Variants in SS18 observed in about 807,000 individuals in gnomAD.
SS18 encodes SS18 subunit of BAF chromatin remodeling complex.
Under a neutral mutation model 72.5 loss-of-function variants are expected in SS18, and 28 were observed. That is an observed-to-expected ratio of 0.39 (90% CI 0.29 to 0.53). The LOEUF is 0.53. Among genes scored for constraint, SS18 ranks in the 20% least tolerant of loss-of-function variants. The pLI is 0.76. For synonymous variants in SS18, 172 were observed against 164.2 expected (o/e 1.05, Z -0.37); for missense variants, 518 against 535.3 (o/e 0.97, Z 0.32).
At position 26,016,886 on chromosome 18, in the gene SS18, A is replaced by G. The variant is rs1381201372; in HGVS notation, c.*1468T>C. On this transcript the variant is annotated 3_prime_UTR_variant, in exon 11 of 11. Transcript: ENST00000415083. Reference sequence around the variant, plus strand: ...CAGTATGTTCTGCTTATTCAAATTTATGACGCCCCTTCTGTTTTGTTTCCA... The same window carrying G: ...CAGTATGTTCTGCTTATTCAAATTTGTGACGCCCCTTCTGTTTTGTTTCCA... The G allele has an allele frequency of 4.4e-6, 1 of 229,028 alleles. No homozygotes were observed. Among genetic ancestry groups the G allele is most frequent in the Non-Finnish European group, 8.7e-6 (1 of 115,244 alleles). The allele number at this position is 229,028 out of a possible 1,614,324, so 14.2% of individuals were successfully genotyped here.
intron 7 of SS18, among the ~76,000 whole-genome samples, chr18:26,037,434 TAG>T (rs1380566639): frequency 2.0e-5 from 3 of 152,102 alleles, no homozygotes; most frequent in South Asian, 2.1e-4. Context: ...TTAAAATACG[TAG>T]AGTCTACAAC....
rs117031720 is a variant in SS18 at position 26,089,405 on chromosome 18, A to G, written c.69+1096T>C. On this transcript the variant is annotated intron_variant, in intron 1 of 10. Coordinates refer to ENST00000415083, the MANE Select transcript of SS18 (RefSeq NM_001007559.3). ...AGCCCGTTTGTTCATAAAATAAAGC[A>G]ACAGTTGGGCAAATGTCAAAAGCCA... Among the ~76,000 whole-genome samples, 1,468 of 152,352 alleles carry G rather than the reference A, an allele frequency of 9.6e-3. 8 individuals carry two copies. Among genetic ancestry groups the G allele is most frequent in the Admixed American group, 0.017 (264 of 15,302 alleles).
Position 26,043,457 on chromosome 18 carries a change from A to T in SS18, c.608-4001T>A, listed in dbSNP as rs115267608. ...TCATATTTCATCATTTACTGCTTAC[A>T]TTTTACTATTTGTTCCTTAACCATT... On this transcript the variant is annotated intron_variant, in intron 5 of 10. Coordinates refer to ENST00000415083, the MANE Select transcript of SS18 (RefSeq NM_001007559.3). 7.1e-3 allele frequency among the ~76,000 whole-genome samples: 1,084 copies of T among 152,218 alleles called. 16 individuals carry two copies. Among genetic ancestry groups the T allele is most frequent in the African/African-American group, 0.025 (1,028 of 41,530 alleles).
chr18:26,025,269 AAGAC>A (rs1445066585), intron 10 of SS18, among the ~76,000 whole-genome samples: 1 of 152,166 alleles, frequency 6.6e-6, no homozygotes, highest in Non-Finnish European at 1.5e-5. Flanking sequence ...ATTAGAAAGA[AAGAC>A]AGTTCTTAAA....
At chr18:26,084,469 A>T (rs1229056629) in intron 2 of SS18, among the ~76,000 whole-genome samples, 1 of 152,180 alleles carries the variant, frequency 6.6e-6, no homozygotes, top group African/African-American at 2.4e-5. Context: ...GCCTCAAGGT[A>T]TTAGATACAT....
At chr18:26,028,652 A>AT (rs1488732909) in intron 10 of SS18, among the ~76,000 whole-genome samples, 1 of 152,246 alleles carries the variant, frequency 6.6e-6, no homozygotes, top group African/African-American at 2.4e-5. Context: ...AAGAAGCCAG[A>AT]TAAAAACCAG....
intron 5 of SS18, among the ~76,000 whole-genome samples, chr18:26,042,734 A>G (rs1330496946): frequency 2.0e-5 from 3 of 152,170 alleles, no homozygotes; most frequent in African/African-American, 7.2e-5. Context: ...GAGCCATGGT[A>G]ATATAGAGAT....
At chr18:26,054,142 C>T (rs972877079) in intron 4 of SS18, among the ~76,000 whole-genome samples, 3 of 152,052 alleles carry the variant, frequency 2.0e-5, no homozygotes, top group African/African-American at 7.2e-5. Flanking sequence ...TACATAGTCA[C>T]TATACTGTGT....
At position 26,066,114 on chromosome 18, in the gene SS18, C is replaced by T. The variant is rs567395327; in HGVS notation, c.232-8372G>A. 5.3e-5 allele frequency among the ~76,000 whole-genome samples: 8 copies of T among 152,112 alleles called. No homozygotes were observed. The South Asian group carries it at 1.7e-3, about 32-fold the overall frequency. On this transcript the variant is annotated intron_variant, in intron 3 of 10. Coordinates refer to ENST00000415083, the MANE Select transcript of SS18 (RefSeq NM_001007559.3). ...AGATATTCTTCCTTCATAACACTTACTACGGCTGTAATTTCAAATGTGTTT... is the reference window on the plus strand; with the variant it reads ...AGATATTCTTCCTTCATAACACTTATTACGGCTGTAATTTCAAATGTGTTT...
At chr18:26,049,263 C>G (rs58620052) in intron 5 of SS18, among the ~76,000 whole-genome samples, 1 of 145,042 alleles carries the variant, frequency 6.9e-6, no homozygotes, top group African/African-American at 2.8e-5. Flanking sequence ...TTTTCATACA[C>G]TGAATGTACT....
chr18:26,083,516 C>T (rs2054565910), intron 2 of SS18, among the ~76,000 whole-genome samples: 1 of 152,148 alleles, frequency 6.6e-6, no homozygotes, highest in Admixed American at 6.5e-5. Context: ...TTACTACACA[C>T]CTAGGCTATA....
chr18:26,035,021 T>TCCTGGGTAACCTTGCTGC lies in SS18; in HGVS notation c.1062_1079dup (p.Gly357_Gln362dup). The TCCTGGGTAACCTTGCTGC allele has an allele frequency of 1.2e-6, 2 of 1,613,392 alleles. No homozygotes were observed. Among genetic ancestry groups the TCCTGGGTAACCTTGCTGC allele is most frequent in the Non-Finnish European group, 1.7e-6 (2 of 1,179,532 alleles). On this transcript the variant is annotated inframe_insertion, in exon 9 of 11. Coordinates refer to ENST00000415083, the MANE Select transcript of SS18 (RefSeq NM_001007559.3). This position sits in a 1 kb window ranked among gnomAD's most constrained non-coding sequence, Gnocchi z 4.4. ...AAGCTTTACCGTAGCCCTGCTGCTG[T>TCCTGGGTAACCTTGCTGC]CCTGGGTAACCTTGCTGCCCTGGGT...
intron 2 of SS18, among the ~76,000 whole-genome samples, chr18:26,084,672 A>G (rs888295702): frequency 1.3e-5 from 2 of 152,192 alleles, no homozygotes; most frequent in Non-Finnish European, 2.9e-5. Context: ...AAAAGTGTAT[A>G]GTGTGAATTT....
chr18:26,090,430 G>A, intron 1 of SS18, 71 bp downstream of exon 1: 1 of 1,484,750 alleles, frequency 6.7e-7, no homozygotes, highest in Non-Finnish European at 9.2e-7. Context: ...TCCGGGCCCG[G>A]CCCTTCCCCC....
At chr18:26,079,710 G>A (rs1598609705) in intron 2 of SS18, among the ~76,000 whole-genome samples, 1 of 152,014 alleles carries the variant, frequency 6.6e-6, no homozygotes, top group Non-Finnish European at 1.5e-5. Flanking sequence ...AGCCTCCCAA[G>A]TAGCTGGGCC....
At chr18:26,047,070 T>C (rs2053836135) in intron 5 of SS18, among the ~76,000 whole-genome samples, 1 of 152,084 alleles carries the variant, frequency 6.6e-6, no homozygotes, top group Non-Finnish European at 1.5e-5. Flanking sequence ...CAGCAAGGCC[T>C]GCCTGTATTT....
chr18:26,019,429 A>G (rs2053305515), intron 10 of SS18, among the ~76,000 whole-genome samples: 1 of 152,166 alleles, frequency 6.6e-6, no homozygotes, highest in Non-Finnish European at 1.5e-5. Context: ...TGGTACCCTA[A>G]AAATCTACAT....
chr18:26,078,230 C>T, intron 2 of SS18, 70 bp from the exon 3 acceptor site: 1 of 1,063,358 alleles, frequency 9.4e-7, no homozygotes, highest in South Asian at 1.5e-5. Context: ...ACAAACAGCA[C>T]TATAATCATT....
At chr18:26,090,368 C>T in intron 1 of SS18, 133 bp downstream of exon 1, 1 of 879,196 alleles carries the variant, frequency 1.1e-6, no homozygotes, top group Non-Finnish European at 1.8e-6. Flanking sequence ...AGTCCGTGTT[C>T]CCAAACACTG....
Sources: allele counts gnomAD v4.1 joint callset (sites outside exome capture counted in the v4.1 genomes callset), GRCh38; gene constraint gnomAD v4.1.1; non-coding constraint Gnocchi (gnomAD v3.1); transcripts MANE v1.5; gene names NCBI Gene and HGNC (gene_info 2026-07-23, HGNC 2026-07-21).